AMBRA1: variants seen among roughly 807,000 people sequenced by gnomAD.
AMBRA1 encodes autophagy and beclin 1 regulator 1.
A neutral mutation model predicts 125.4 loss-of-function variants in AMBRA1; 47 were observed. That is an observed-to-expected ratio of 0.37 (90% CI 0.30 to 0.48). The LOEUF is 0.48. Among genes scored for constraint, AMBRA1 ranks in the 20% least tolerant of loss-of-function variants. The pLI is 0.99. For missense variants in AMBRA1, 1,331 were observed against 1,693.4 expected, an observed-to-expected ratio of 0.79 and a Z score of 3.76; for synonymous variants, 626 against 655.5, an observed-to-expected ratio of 0.95 and a Z score of 0.69.
Position 46,545,506 on chromosome 11 carries a change from G to A in AMBRA1, c.551+98C>T, listed in dbSNP as rs889249497. 2.0e-5 allele frequency: 28 copies of A among 1,417,184 alleles called. No homozygotes were observed. In the South Asian group the frequency reaches 2.9e-4, roughly 15 times the overall value. The allele number at this position is 1,417,184 out of a possible 1,614,324, so 87.8% of individuals were successfully genotyped here. On this transcript the variant is annotated intron_variant, in intron 5 of 17. Coordinates refer to ENST00000683756, the MANE Select transcript of AMBRA1 (RefSeq NM_001387011.1). ...CTATGAGGATGACAACTTGCCCTGA[G>A]CAGGGATAACAACCTGACTTCCAAG...
intron 11 of AMBRA1, among the ~76,000 whole-genome samples, chr11:46,481,754 T>C (rs997371066): frequency 1.4e-4 from 21 of 152,196 alleles, no homozygotes; most frequent in African/African-American, 3.6e-4. Context: ...GGTGGTTCTG[T>C]TGGAAAAGAG....
At chr11:46,490,390 A>G (rs1950418752) in intron 11 of AMBRA1, among the ~76,000 whole-genome samples, 1 of 152,104 alleles carries the variant, frequency 6.6e-6, no homozygotes, top group African/African-American at 2.4e-5. Flanking sequence ...CTATCAAAAC[A>G]CTTTTCTCTT....
chr11:46,566,862 T>C (rs2043550581), intron 1 of AMBRA1, among the ~76,000 whole-genome samples: 1 of 152,080 alleles, frequency 6.6e-6, no homozygotes, highest in South Asian at 2.1e-4. Flanking sequence ...TAAACCGCCA[T>C]TGTAAAACTA....
chr11:46,440,783 A>G (rs1353137960), intron 12 of AMBRA1, among the ~76,000 whole-genome samples: 1 of 152,232 alleles, frequency 6.6e-6, no homozygotes, highest in Non-Finnish European at 1.5e-5. Flanking sequence ...GAGACAGGAC[A>G]TGAAAAATTA....
At chr11:46,515,762 G>A (rs1170389550) in intron 7 of AMBRA1, among the ~76,000 whole-genome samples, 5 of 152,000 alleles carry the variant, frequency 3.3e-5, no homozygotes, top group Admixed American at 2.0e-4. Flanking sequence ...TGCAACCTCC[G>A]CCTCCTGGGT....
Position 46,408,523 on chromosome 11 carries a change from A to G in AMBRA1, c.3393T>C (p.Gly1131=). The change falls in exon 17 of 18, where the codon GGT becomes GGC. Residue 1131 remains glycine (G), a synonymous_variant. Transcript: ENST00000683756. ...EVPEPGTAAS[G]PGEGEGSEYG... ...CCACATGGCTCCTACCTTCACCAGG[A>G]CCTGAGGCGGCTGTCCCTGGCTCCG... The G allele has an allele frequency of 6.4e-7, 1 of 1,565,624 alleles. No homozygotes were observed. Among genetic ancestry groups the G allele is most frequent in the Non-Finnish European group, 8.7e-7 (1 of 1,152,112 alleles).
intron 14 of AMBRA1, chr11:46,429,160 C>A (rs1947322819): frequency 1.3e-6 from 2 of 1,566,556 alleles, no homozygotes; most frequent in African/African-American, 1.3e-5. Context: ...TCTGGCAGGT[C>A]TCCGCCACGC....
intron 1 of AMBRA1, among the ~76,000 whole-genome samples, chr11:46,585,200 G>C (rs1249754314): frequency 6.6e-6 from 1 of 152,000 alleles, no homozygotes; most frequent in African/African-American, 2.4e-5. Flanking sequence ...AGTATCCAGG[G>C]ACACAAACAC....
chr11:46,470,588 CAAAAAAA>C (rs766521795), intron 11 of AMBRA1, among the ~76,000 whole-genome samples: 7 of 53,456 alleles, frequency 1.3e-4, no homozygotes, highest in South Asian at 6.9e-4. Context: ...GACTCCGTCT[CAAAAAAA>C]AAAAAAAAAA....
At chr11:46,591,121 T>A (rs2044580770) in intron 1 of AMBRA1, 1 of 152,160 alleles carries the variant, frequency 6.6e-6, no homozygotes, top group South Asian at 2.1e-4. Flanking sequence ...TTCATGACAC[T>A]CACAGCAATT....
At chr11:46,494,233 G>C in intron 9 of AMBRA1, 29 bp from the exon 10 acceptor site, 1 of 1,546,906 alleles carries the variant, frequency 6.5e-7, no homozygotes, top group Non-Finnish European at 8.8e-7. Flanking sequence ...CTACACATAA[G>C]AGAGTCACTA....
intron 9 of AMBRA1, among the ~76,000 whole-genome samples, chr11:46,506,829 G>C (rs910681604): frequency 2.6e-5 from 4 of 152,086 alleles, no homozygotes; most frequent in Non-Finnish European, 5.9e-5. Flanking sequence ...GGCTAGAAAG[G>C]TCAGAAGCAG....
intron 1 of AMBRA1, among the ~76,000 whole-genome samples, chr11:46,561,837 CTAGT>C (rs911778867): frequency 1.3e-4 from 20 of 152,260 alleles, no homozygotes; most frequent in African/African-American, 4.3e-4. Context: ...ATTTAAGAAC[CTAGT>C]TATTTAAATC....
At chr11:46,448,396 T>C (rs192053365) in intron 11 of AMBRA1, among the ~76,000 whole-genome samples, 1 of 152,316 alleles carries the variant, frequency 6.6e-6, no homozygotes, top group East Asian at 1.9e-4. Context: ...GATTTAAAAA[T>C]ATTTTGGATT....
At chr11:46,467,013 A>C (rs1292566789) in intron 11 of AMBRA1, among the ~76,000 whole-genome samples, 2 of 149,042 alleles carry the variant, frequency 1.3e-5, no homozygotes, top group Admixed American at 1.4e-4. Context: ...CACCTCCCGG[A>C]TCCAGGCGAT....
At chr11:46,476,315 G>A (rs1361535749) in intron 11 of AMBRA1, among the ~76,000 whole-genome samples, 8 of 152,144 alleles carry the variant, frequency 5.3e-5, no homozygotes, top group Non-Finnish European at 7.3e-5. Context: ...AGTAGGGTGT[G>A]CACAAGTTAG....
At chr11:46,509,843 G>A (rs1474972414) in intron 8 of AMBRA1, among the ~76,000 whole-genome samples, 1 of 152,054 alleles carries the variant, frequency 6.6e-6, no homozygotes, top group Non-Finnish European at 1.5e-5. Context: ...AAAGGAAAAG[G>A]GCATAGATTT....
chr11:46,494,068 A>T, intron 10 of AMBRA1, 56 bp downstream of exon 10: 1 of 1,494,670 alleles, frequency 6.7e-7, no homozygotes, highest in Non-Finnish European at 9.2e-7. Flanking sequence ...TAGGTTTAAA[A>T]CTAAATCCTA....
Position 46,494,178 on chromosome 11 carries a change from C to T in AMBRA1, c.2366G>A (p.Arg789Gln), listed in dbSNP as rs1404516585. The stretch of plus-strand genomic sequence containing the variant: ...AGACATCCGGGCATTGCGTGGAGCT[C>T]GGTGCCTGGATCTGTCACCATTGTC... The part of the protein sequence containing the change: ...FEDNGDRSRH[R>Q]APRNARMSAP... The change falls in exon 10 of 18, where the codon CGA becomes CAA. Residue 789 changes from arginine to glutamine, a missense_variant. By Grantham distance (43) the Arg-to-Gln change is conservative. Transcript: ENST00000683756. 3.1e-6 allele frequency: 5 copies of T among 1,606,496 alleles called. No individual in the cohort carries two copies. The highest frequency in any genetic ancestry group is 3.4e-6 in the Non-Finnish European group (4 of 1,176,054).
Sources: gnomAD v4.1 joint callset for allele counts (sites outside exome capture counted in the v4.1 genomes callset) on GRCh38, gnomAD v4.1.1 for gene constraint, MANE v1.5 for transcripts, NCBI Gene and HGNC (gene_info 2026-07-23, HGNC 2026-07-21) for gene names.